Variants in FRY observed in about 807,000 individuals in gnomAD.
FRY encodes the protein protein furry homolog.
Under a neutral mutation model 348.4 loss-of-function variants are expected in FRY, and 128 were observed. The observed-to-expected ratio is 0.37, with a 90% confidence interval of 0.32 to 0.43. The LOEUF (loss-of-function observed/expected upper bound fraction) is 0.43. Ranked by LOEUF, FRY falls within the 20% of genes least tolerant of loss-of-function variation. FRY has a pLI of 1.00. For missense variants in FRY, 2,736 were observed against 3,695.2 expected, an observed-to-expected ratio of 0.74 and a Z score of 6.73; for synonymous variants, 1,370 against 1,374.7, an observed-to-expected ratio of 1.00 and a Z score of 0.08.
At position 32,166,212 on chromosome 13, in the gene FRY, C is replaced by G. The variant is rs1260505644; in HGVS notation, c.1893-4800C>G. ...GCCTTAGTTCCCCAAGCTAGCCAGACATCTTCTCAAGTTGCTTTCTCTTAA... is the reference window on the plus strand; with the variant it reads ...GCCTTAGTTCCCCAAGCTAGCCAGAGATCTTCTCAAGTTGCTTTCTCTTAA... On this transcript the variant is annotated intron_variant, in intron 17 of 60. Transcript: ENST00000542859. Among the ~76,000 whole-genome samples the G allele has an allele frequency of 2.0e-5, 3 of 152,256 alleles. No individual in the cohort carries two copies. The East Asian group carries it at 5.8e-4, about 29-fold the overall frequency.
At position 32,225,793 on chromosome 13, in the gene FRY, A is replaced by G. The variant is rs1486638930; in HGVS notation, c.5025A>G (p.Leu1675=). 1.2e-6 allele frequency: 2 copies of G among 1,612,830 alleles called. No homozygotes were observed. The highest frequency in any genetic ancestry group is 2.2e-5 in the South Asian group (2 of 91,060). Residue 1675 remains leucine, a synonymous_variant, in exon 39 of 61, where the codon TTA becomes TTG. Transcript: ENST00000542859. ...PLLLHAVFLG[L]DHYRPEVFEH... Reference sequence around the variant, plus strand: ...GATTCTACTGTTTTGTTCCAGGTTTAGACCACTACCGGCCTGAAGTCTTTG... The same window carrying G: ...GATTCTACTGTTTTGTTCCAGGTTTGGACCACTACCGGCCTGAAGTCTTTG...
At chr13:32,141,391 C>T (rs1368571713) in intron 11 of FRY, among the ~76,000 whole-genome samples, 1 of 152,068 alleles carries the variant, frequency 6.6e-6, no homozygotes, top group Non-Finnish European at 1.5e-5. Flanking sequence ...CAAAATATAA[C>T]AAAGAAATAG....
chr13:32,247,636 G>A, intron 48 of FRY, 134 bp downstream of exon 48: 1 of 778,188 alleles, frequency 1.3e-6, no homozygotes, highest in Non-Finnish European at 2.2e-6. Context: ...GGCTAAATTA[G>A]GTTTTGCTTT....
At chr13:32,268,823 A>G (rs7999304) in intron 55 of FRY, among the ~76,000 whole-genome samples, 78,208 of 151,526 alleles carry the variant, frequency 0.52, 20,982 homozygotes, top group Middle Eastern at 0.7. Flanking sequence ...ATGAGCCACC[A>G]TGCCTGGCCA....
At chr13:32,290,969 G>A (rs1031460195) in intron 59 of FRY, among the ~76,000 whole-genome samples, 12 of 152,100 alleles carry the variant, frequency 7.9e-5, no homozygotes, top group South Asian at 2.1e-4. Context: ...GCCTTCTGCC[G>A]GCTAGTCAAT....
At chr13:32,111,242 CT>C (rs1158029097) in intron 3 of FRY, among the ~76,000 whole-genome samples, 2 of 152,066 alleles carry the variant, frequency 1.3e-5, no homozygotes, top group African/African-American at 4.8e-5. Flanking sequence ...AATCCCAGCA[CT>C]TTAGGAGGCT....
chr13:32,246,959 AG>A (rs11479503), intron 47 of FRY, among the ~76,000 whole-genome samples: 149,875 of 152,246 alleles, frequency 0.98, 73,820 homozygotes, highest in East Asian at 1. Flanking sequence ...TGGAAACCGG[AG>A]GGTGGGGAGA....
At chr13:32,083,100 A>G (rs1875605927) in intron 2 of FRY, among the ~76,000 whole-genome samples, 1 of 151,954 alleles carries the variant, frequency 6.6e-6, no homozygotes, top group Non-Finnish European at 1.5e-5. Flanking sequence ...CTTATGCTAC[A>G]TTGCATATCT....
intron 2 of FRY, among the ~76,000 whole-genome samples, chr13:32,084,959 C>T (rs533437433): frequency 1.3e-4 from 20 of 152,190 alleles, no homozygotes; most frequent in Admixed American, 5.2e-4. Context: ...GTATCATGGA[C>T]AGTACATGCT....
Position 32,237,958 on chromosome 13 carries a change from A to T in FRY, c.6390A>T (p.Ile2130=). The change falls in exon 44 of 61, where the codon ATA becomes ATT. Residue 2130 remains isoleucine, a synonymous_variant. Transcript: ENST00000542859. This position sits in a 1 kb window ranked among gnomAD's most constrained non-coding sequence, Gnocchi z 6.3. The part of the protein sequence containing the change: ...LFSLLTPVSK[I]SMVDASHAIG... ...GTCTGCTGACACCAGTGTCCAAAAT[A>T]TCCATGGTGGATGCATCCCACGCTA... 1 of 1,613,846 alleles carries T rather than the reference A, an allele frequency of 6.2e-7. No individual in the cohort carries two copies. The highest frequency in any genetic ancestry group is 1.3e-5 in the African/African-American group (1 of 75,012).
intron 11 of FRY, among the ~76,000 whole-genome samples, chr13:32,145,268 C>T (rs75588063): frequency 0.032 from 4,882 of 152,096 alleles, 101 homozygotes; most frequent in East Asian, 0.086. Flanking sequence ...GGATTATAAT[C>T]GGTGTAAGAT....
At chr13:32,267,944 C>G (rs1204984232) in intron 55 of FRY, among the ~76,000 whole-genome samples, 1 of 152,216 alleles carries the variant, frequency 6.6e-6, no homozygotes, top group African/African-American at 2.4e-5. Context: ...ACTACTGCCT[C>G]TCCCGTGTGA....
At chr13:32,135,485 A>C (rs1199927122) in intron 10 of FRY, among the ~76,000 whole-genome samples, 1 of 152,170 alleles carries the variant, frequency 6.6e-6, no homozygotes, top group Admixed American at 6.6e-5. Flanking sequence ...ACTTTTTTCC[A>C]ATCTGAAGGC....
chr13:32,106,631 C>G (rs946595225), intron 3 of FRY, among the ~76,000 whole-genome samples: 1 of 152,178 alleles, frequency 6.6e-6, no homozygotes, highest in Non-Finnish European at 1.5e-5. Flanking sequence ...ACAAAACTTT[C>G]CAACATAGCA....
chr13:32,287,791 C>A, intron 58 of FRY: 2 of 728,464 alleles, frequency 2.7e-6, no homozygotes, highest in Non-Finnish European at 4.2e-6. Context: ...AAGGGCCGTG[C>A]TTTCTGTTGC....
intron 14 of FRY, among the ~76,000 whole-genome samples, chr13:32,154,252 T>G (rs1880973328): frequency 6.6e-6 from 1 of 152,204 alleles, no homozygotes; most frequent in African/African-American, 2.4e-5. Flanking sequence ...ATACACGGAT[T>G]ATTTTTTAAA....
At position 32,078,722 on chromosome 13, in the gene FRY, AG is replaced by A. The variant is rs1344824846; in HGVS notation, c.71-111del. ...AGAATAAGGCCAGGTTATAATATTAAGTGTGACTTTCTTGATATGATTCATA... is the reference window on the plus strand; with the variant it reads ...AGAATAAGGCCAGGTTATAATATTAATGTGACTTTCTTGATATGATTCATA... On this transcript the variant is annotated intron_variant, in intron 1 of 60. Transcript: ENST00000542859. The A allele has an allele frequency of 3.2e-5, 27 of 849,372 alleles. No homozygotes were observed. The East Asian group carries it at 6.3e-4, about 20-fold the overall frequency. The allele number at this position is 849,372 out of a possible 1,614,324, so 52.6% of individuals were successfully genotyped here. A position where few individuals can be genotyped will look rare whatever the true frequency, so the allele number is the denominator to read the frequency against.
At chr13:32,201,653 G>C (rs1884036859) in intron 29 of FRY, among the ~76,000 whole-genome samples, 1 of 152,150 alleles carries the variant, frequency 6.6e-6, no homozygotes, top group African/African-American at 2.4e-5. Flanking sequence ...GCATCAGATA[G>C]ACTTTTGTGT....
intron 36 of FRY, among the ~76,000 whole-genome samples, chr13:32,220,957 G>C (rs1885280894): frequency 6.6e-6 from 1 of 152,166 alleles, no homozygotes; most frequent in South Asian, 2.1e-4. Flanking sequence ...TAGTGCATCT[G>C]CTTTAAATTT....
Sources: gnomAD v4.1 joint callset for allele counts (sites outside exome capture counted in the v4.1 genomes callset) on GRCh38, gnomAD v4.1.1 for gene constraint, Gnocchi (gnomAD v3.1) non-coding constraint, MANE v1.5 for transcripts, NCBI Gene and HGNC (gene_info 2026-07-23, HGNC 2026-07-21) for gene names.